The following AGBL4 variants were observed in gnomAD, a reference collection of about 807,000 sequenced individuals.
The protein encoded by AGBL4 is AGBL carboxypeptidase 4.
In AGBL4, 58 loss-of-function variants were observed where a neutral mutation model predicts 66.4. The observed-to-expected ratio is 0.87, with a 90% CI of 0.71 to 1.09. The LOEUF (loss-of-function observed/expected upper bound fraction) is 1.09, where lower values mean the gene tolerates loss of function less well. AGBL4 is among the 50% of genes least tolerant of loss of function. The pLI is 0.00. For missense variants in AGBL4, 579 were observed against 631.0 expected (o/e 0.92, Z 0.88); for synonymous variants, 234 against 222.9 (o/e 1.05, Z -0.44).
At chr1:49,874,489 A>G (rs1481218874) in intron 1 of AGBL4, among the ~76,000 whole-genome samples, 1 of 152,162 alleles carries the variant, frequency 6.6e-6, no homozygotes, top group East Asian at 1.9e-4. Flanking sequence ...TCAATGCTTA[A>G]AAGGGAAAGT....
intron 3 of AGBL4, among the ~76,000 whole-genome samples, chr1:49,550,105 T>A (rs142917588): frequency 2.0e-5 from 3 of 152,350 alleles, no homozygotes; most frequent in Middle Eastern, 3.4e-3. Context: ...TAGCTACCCC[T>A]GCTTACATTT....
At chr1:49,038,650 A>T (rs2149046039) in intron 5 of AGBL4, among the ~76,000 whole-genome samples, 1 of 152,230 alleles carries the variant, frequency 6.6e-6, no homozygotes, top group East Asian at 1.9e-4. Flanking sequence ...CAACAATGAG[A>T]TACAGTACAC....
intron 3 of AGBL4, among the ~76,000 whole-genome samples, chr1:49,468,417 C>G (rs1646672721): frequency 6.6e-6 from 1 of 151,738 alleles, no homozygotes; most frequent in Non-Finnish European, 1.5e-5. Context: ...ATGCCATAAT[C>G]CTGAATGTTG....
chr1:48,917,980 G>T (rs1158063589), intron 5 of AGBL4, among the ~76,000 whole-genome samples: 4 of 152,194 alleles, frequency 2.6e-5, no homozygotes, highest in Non-Finnish European at 5.9e-5. Context: ...GGTTGAAAGG[G>T]ACAAAGGAGC....
chr1:49,865,401 C>A (rs1451981704), intron 1 of AGBL4, among the ~76,000 whole-genome samples: 2 of 152,150 alleles, frequency 1.3e-5, no homozygotes, highest in African/African-American at 4.8e-5. Context: ...AAGAAGCAGG[C>A]AGGCATTTTG....
chr1:49,457,525 C>G (rs6588349), intron 3 of AGBL4, among the ~76,000 whole-genome samples: 79,932 of 151,592 alleles, frequency 0.53, 22,527 homozygotes, highest in Non-Finnish European at 0.63. Flanking sequence ...GTTAACTCTG[C>G]TGATTATTTC....
intron 4 of AGBL4, among the ~76,000 whole-genome samples, chr1:49,051,113 G>T (rs1644201789): frequency 6.6e-6 from 1 of 151,982 alleles, no homozygotes; most frequent in Non-Finnish European, 1.5e-5. Flanking sequence ...ATCAAGCAGA[G>T]AAATACAGAT....
chr1:49,610,722 C>T (rs2124227758), intron 3 of AGBL4, among the ~76,000 whole-genome samples: 1 of 152,276 alleles, frequency 6.6e-6, no homozygotes, highest in South Asian at 2.1e-4. Context: ...ACTGAACCTA[C>T]TGGAACCTTG....
chr1:49,052,483 C>T (rs1644237244), intron 4 of AGBL4, among the ~76,000 whole-genome samples: 1 of 152,150 alleles, frequency 6.6e-6, no homozygotes, highest in Non-Finnish European at 1.5e-5. Flanking sequence ...AATGTGGTTA[C>T]TAAAAAGCAT....
At chr1:48,793,411 G>T (rs1262076317) in intron 6 of AGBL4, among the ~76,000 whole-genome samples, 1 of 152,110 alleles carries the variant, frequency 6.6e-6, no homozygotes, top group Non-Finnish European at 1.5e-5. Flanking sequence ...TCACCTAAGA[G>T]ACAGATGGTA....
At chr1:49,127,342 G>T (rs1009221786) in intron 4 of AGBL4, among the ~76,000 whole-genome samples, 2 of 152,114 alleles carry the variant, frequency 1.3e-5, no homozygotes, top group Non-Finnish European at 2.9e-5. Flanking sequence ...AGTGTATACT[G>T]CTCGGTTGAT....
chr1:48,948,227 T>C (rs1656685749), intron 5 of AGBL4, among the ~76,000 whole-genome samples: 1 of 152,220 alleles, frequency 6.6e-6, no homozygotes, highest in Admixed American at 6.5e-5. Context: ...GATCCCTCCC[T>C]GCCCGGGTCC....
intron 4 of AGBL4, among the ~76,000 whole-genome samples, chr1:49,110,465 T>G (rs1407546753): frequency 6.6e-6 from 1 of 152,164 alleles, no homozygotes; most frequent in Non-Finnish European, 1.5e-5. Flanking sequence ...TTATTCTTTT[T>G]CCCTTACCAC....
At chr1:48,635,354 C>T (rs980907917) in intron 8 of AGBL4, among the ~76,000 whole-genome samples, 2 of 152,210 alleles carry the variant, frequency 1.3e-5, no homozygotes, top group Non-Finnish European at 2.9e-5. Context: ...CCTGGAGGGA[C>T]TGGGAGAACC....
intron 3 of AGBL4, among the ~76,000 whole-genome samples, chr1:49,597,565 G>C (rs190525127): frequency 3.0e-4 from 46 of 152,308 alleles, no homozygotes; most frequent in African/African-American, 9.9e-4. Flanking sequence ...CAATATGACT[G>C]GAGTATGCAG....
At chr1:48,720,757 T>C (rs1010495384) in intron 6 of AGBL4, among the ~76,000 whole-genome samples, 1 of 152,126 alleles carries the variant, frequency 6.6e-6, no homozygotes, top group Non-Finnish European at 1.5e-5. Flanking sequence ...TGCAGTTCAC[T>C]GACAGCCTTG....
At chr1:49,533,489 T>C (rs2148816235) in intron 3 of AGBL4, among the ~76,000 whole-genome samples, 1 of 152,238 alleles carries the variant, frequency 6.6e-6, no homozygotes, top group African/African-American at 2.4e-5. Context: ...GAAGCCCAGC[T>C]ACAGAGAAGC....
intron 3 of AGBL4, among the ~76,000 whole-genome samples, chr1:49,371,532 A>G (rs750838500): frequency 9.0e-4 from 137 of 151,948 alleles, no homozygotes; most frequent in Non-Finnish European, 1.4e-3. Context: ...TAATCCTCTT[A>G]CTCCATCATT....
At chr1:48,561,207 T>C (rs1263755413) in intron 11 of AGBL4, among the ~76,000 whole-genome samples, 1 of 152,234 alleles carries the variant, frequency 6.6e-6, no homozygotes, top group African/African-American at 2.4e-5. Flanking sequence ...ATAGCTTTTT[T>C]TAAAGCTTCT....
Sources: allele counts gnomAD v4.1 joint callset (sites outside exome capture counted in the v4.1 genomes callset), GRCh38; gene constraint gnomAD v4.1.1; transcripts MANE v1.5; gene names NCBI Gene and HGNC (gene_info 2026-07-23, HGNC 2026-07-21).